The following GABRG3 variants were observed in gnomAD, a reference collection of about 807,000 sequenced individuals.
GABRG3 encodes gamma-aminobutyric acid type A receptor subunit gamma3.
GABRG3 carries 25 observed loss-of-function variants against 48.8 expected under a neutral mutation model. The observed-to-expected ratio is 0.51, with a 90% confidence interval of 0.37 to 0.72. The LOEUF (loss-of-function observed/expected upper bound fraction) is 0.72, where lower values mean the gene tolerates loss of function less well. Among genes scored for constraint, GABRG3 ranks in the 30% least tolerant of loss-of-function variants. The pLI, the probability that GABRG3 is intolerant of heterozygous loss-of-function variation, is 0.00. For missense variants in GABRG3, 394 were observed against 577.9 expected (o/e 0.68, Z 3.26); for synonymous variants, 227 against 217.6 (o/e 1.04, Z -0.38).
At chr15:27,321,905 C>T (rs1047489406) in intron 3 of GABRG3, among the ~76,000 whole-genome samples, 7 of 152,216 alleles carry the variant, frequency 4.6e-5, no homozygotes, top group African/African-American at 1.7e-4. Context: ...CGCGGTAATT[C>T]GTGGCTTATT....
intron 6 of GABRG3, among the ~76,000 whole-genome samples, chr15:27,518,824 G>C (rs1484250295): frequency 6.6e-6 from 1 of 152,140 alleles, no homozygotes; most frequent in East Asian, 1.9e-4. Context: ...TAAGGAGAAG[G>C]CTAAAATGAT....
intron 5 of GABRG3, among the ~76,000 whole-genome samples, chr15:27,480,328 A>C (rs1890067786): frequency 6.6e-6 from 1 of 152,118 alleles, no homozygotes; most frequent in African/African-American, 2.4e-5. Context: ...AGCCATTGAC[A>C]AGCACCTCCA....
chr15:27,305,299 A>G (rs754034801), intron 3 of GABRG3, among the ~76,000 whole-genome samples: 8 of 151,582 alleles, frequency 5.3e-5, no homozygotes, highest in African/African-American at 1.4e-4. Flanking sequence ...ATATTTAGGT[A>G]TAAATGTAAC....
intron 6 of GABRG3, among the ~76,000 whole-genome samples, chr15:27,502,846 AG>A (rs1339208795): frequency 6.6e-6 from 1 of 152,250 alleles, no homozygotes; most frequent in Admixed American, 6.5e-5. Flanking sequence ...GAAGGGTCTC[AG>A]GGCAGGAGCT....
At chr15:27,354,908 A>G (rs1427067168) in intron 5 of GABRG3, among the ~76,000 whole-genome samples, 1 of 152,230 alleles carries the variant, frequency 6.6e-6, no homozygotes, top group Non-Finnish European at 1.5e-5. Context: ...AGATTCCTAA[A>G]TGAACATTTG....
At chr15:27,020,918 G>A (rs1482031153) in intron 2 of GABRG3, among the ~76,000 whole-genome samples, 1 of 152,050 alleles carries the variant, frequency 6.6e-6, no homozygotes, top group Admixed American at 6.6e-5. Context: ...GCTTGTAATC[G>A]TCATCATGTT....
intron 3 of GABRG3, among the ~76,000 whole-genome samples, chr15:27,316,461 A>G (rs1249807667): frequency 6.6e-6 from 1 of 151,922 alleles, no homozygotes; most frequent in Non-Finnish European, 1.5e-5. Context: ...GTCTTTCTTG[A>G]CACCATCTTT....
At chr15:27,133,002 A>G (rs1400263005) in intron 3 of GABRG3, among the ~76,000 whole-genome samples, 4 of 150,996 alleles carry the variant, frequency 2.6e-5, no homozygotes, top group Non-Finnish European at 5.9e-5. Flanking sequence ...TGGTCTTTTA[A>G]TTTTCATTTA....
intron 6 of GABRG3, among the ~76,000 whole-genome samples, chr15:27,510,875 G>A (rs1031959003): frequency 1.3e-4 from 20 of 152,040 alleles, no homozygotes; most frequent in African/African-American, 4.8e-4. Flanking sequence ...AGCACTTTTT[G>A]TTTCAAAATA....
chr15:27,040,933 C>G (rs902093104), intron 3 of GABRG3, among the ~76,000 whole-genome samples: 2 of 152,180 alleles, frequency 1.3e-5, no homozygotes, highest in Admixed American at 1.3e-4. Context: ...GAGCAAGACC[C>G]TGTTTCTGTG....
chr15:27,235,722 T>A (rs1412479559), intron 3 of GABRG3, among the ~76,000 whole-genome samples: 1 of 152,132 alleles, frequency 6.6e-6, no homozygotes, highest in Non-Finnish European at 1.5e-5. Context: ...TGAAAGCAGA[T>A]CTCAAGGGTA....
chr15:27,381,084 G>T (rs1266186710), intron 5 of GABRG3, among the ~76,000 whole-genome samples: 1 of 152,120 alleles, frequency 6.6e-6, no homozygotes, highest in African/African-American at 2.4e-5. Flanking sequence ...TTACTGGTAG[G>T]TGTCAGTCTT....
chr15:27,469,711 A>G (rs1889726564), intron 5 of GABRG3, among the ~76,000 whole-genome samples: 2 of 152,144 alleles, frequency 1.3e-5, no homozygotes, highest in South Asian at 4.1e-4. Flanking sequence ...TTGCCCATCA[A>G]ATCTCACACA....
At chr15:27,132,207 C>T (rs1411592668) in intron 3 of GABRG3, among the ~76,000 whole-genome samples, 2 of 152,002 alleles carry the variant, frequency 1.3e-5, no homozygotes, top group East Asian at 3.9e-4. Flanking sequence ...AAATCCTTCC[C>T]CAGACCAATG....
chr15:27,191,338 A>G (rs937396867), intron 3 of GABRG3, among the ~76,000 whole-genome samples: 1 of 152,134 alleles, frequency 6.6e-6, no homozygotes, highest in South Asian at 2.1e-4. Context: ...AAAGTCTCCC[A>G]TTATTACTGC....
chr15:27,129,466 T>G (rs936980227), intron 3 of GABRG3, among the ~76,000 whole-genome samples: 2 of 152,242 alleles, frequency 1.3e-5, no homozygotes, highest in Non-Finnish European at 2.9e-5. Context: ...ACACCTGTGT[T>G]GCTTCTACCT....
At chr15:27,517,349 G>A (rs8035324) in intron 6 of GABRG3, among the ~76,000 whole-genome samples, 96,408 of 152,148 alleles carry the variant, frequency 0.63, 31,968 homozygotes, top group African/African-American at 0.84. Context: ...ACTTTCACTG[G>A]TGCTACTGCC....
intron 3 of GABRG3, among the ~76,000 whole-genome samples, chr15:27,227,614 A>G (rs59347385): frequency 0.017 from 2,657 of 152,216 alleles, 75 homozygotes; most frequent in African/African-American, 0.061. Context: ...TTGAGCCCAG[A>G]AGTTCAAGAC....
chr15:26,989,396 A>G (rs1895207674), intron 2 of GABRG3, among the ~76,000 whole-genome samples: 2 of 152,330 alleles, frequency 1.3e-5, no homozygotes, highest in South Asian at 4.1e-4. Context: ...TAAGTTTTAC[A>G]TGGATAAATG....
Sources: gnomAD v4.1 joint callset for allele counts (sites outside exome capture counted in the v4.1 genomes callset) on GRCh38, gnomAD v4.1.1 for gene constraint, MANE v1.5 for transcripts, NCBI Gene and HGNC (gene_info 2026-07-23, HGNC 2026-07-21) for gene names.